Variants in MMP19 observed in about 807,000 individuals in gnomAD.
MMP19 encodes the protein matrix metallopeptidase 19, also known as matrix metalloproteinase-19.
A neutral mutation model predicts 46.6 loss-of-function variants in MMP19; 47 were observed. That is an observed-to-expected ratio of 1.01 (90% CI 0.80 to 1.29). The LOEUF (loss-of-function observed/expected upper bound fraction) is 1.29. Ranked by LOEUF, MMP19 falls within the 50% of genes most tolerant of loss-of-function variation. The pLI, the probability that MMP19 is intolerant of heterozygous loss-of-function variation, is 0.00. For missense variants in MMP19, 589 were observed against 643.5 expected (o/e 0.92, Z 0.92); for synonymous variants, 222 against 248.5 (o/e 0.89, Z 1.00).
intron 1 of MMP19, 103 bp downstream of exon 1, chr12:55,842,641 G>T: frequency 9.9e-7 from 1 of 1,007,828 alleles, no homozygotes; most frequent in Non-Finnish European, 1.5e-6. Flanking sequence ...GAGAGCAAGG[G>T]AAAGGCAGGC....
chr12:55,842,877 G>A lies in MMP19; in HGVS notation c.-47C>T, dbSNP rs1194280121. 6.7e-7 allele frequency: 1 copy of A among 1,488,168 alleles called. No homozygotes were observed. Among genetic ancestry groups the A allele is most frequent in the South Asian group, 1.2e-5 (1 of 83,246 alleles). The allele number at this position is 1,488,168 out of a possible 1,614,324, so 92.2% of individuals were successfully genotyped here. Reference sequence around the variant, plus strand: ...CAGAGGCTGTCCGTGCCTCTGACCTGAGATTTCTGGGAGCCTTGGGGGAGC... The same window carrying A: ...CAGAGGCTGTCCGTGCCTCTGACCTAAGATTTCTGGGAGCCTTGGGGGAGC... On this transcript the variant is annotated 5_prime_UTR_variant, in exon 1 of 9. Coordinates refer to ENST00000322569, the MANE Select transcript of MMP19 (RefSeq NM_002429.6).
chr12:55,838,442 A>T (rs1565696483), intron 6 of MMP19, 164 bp downstream of exon 6: 1 of 1,565,726 alleles, frequency 6.4e-7, no homozygotes, highest in Non-Finnish European at 8.7e-7. Flanking sequence ...TTGGCTCCGA[A>T]CTCTCCCTCC....
intron 7 of MMP19, 27 bp from the exon 8 acceptor site, chr12:55,837,709 T>A: frequency 1.2e-6 from 2 of 1,614,054 alleles, no homozygotes; most frequent in Non-Finnish European, 1.7e-6. Context: ...AAAGAACAAG[T>A]CACCTCTGTC....
rs1361978682 is a variant in MMP19, at chr12:55,837,116, C to G, written c.1447G>C (p.Gly483Arg). The part of the protein sequence containing the change: ...RPRTIDTTPS[G>R]GNTTPSGTGI... Reference sequence around the variant, plus strand: ...GTACCTGAGGGAGTGGTATTCCCACCTGATGGGGTAGTGTCTATAGTCCGG... The same window carrying G: ...GTACCTGAGGGAGTGGTATTCCCACGTGATGGGGTAGTGTCTATAGTCCGG... Residue 483 changes from glycine to arginine, a missense_variant, in exon 9 of 9, where the codon GGT (glycine) becomes CGT (arginine). Physicochemically the swap from Gly to Arg is moderately radical, Grantham distance 125 (BLOSUM62 -2). Coordinates refer to ENST00000322569, the MANE Select transcript of MMP19 (RefSeq NM_002429.6). 2 of 1,613,208 alleles carry G rather than the reference C, an allele frequency of 1.2e-6. No homozygotes were observed. Among genetic ancestry groups the G allele is most frequent in the Admixed American group, 1.7e-5 (1 of 59,922 alleles).
Position 55,838,817 on chromosome 12 carries a change from G to A in MMP19, c.767-83C>T, listed in dbSNP as rs959463989. The A allele has an allele frequency of 3.4e-6, 4 of 1,187,966 alleles. No individual in the cohort carries two copies. The African/African-American group carries it at 6.1e-5, about 18-fold the overall frequency. 73.6% of individuals were successfully genotyped at this position (1,187,966 alleles called of 1,614,324 possible). On this transcript the variant is annotated intron_variant, in intron 5 of 8. Transcript: ENST00000322569. ...CAGTCTCCTGTAAGTTTTGCTCAGA[G>A]TCCCCATACAGAGGGGAAAAGGGAA...
chr12:55,840,015 G>T, intron 4 of MMP19: 1 of 403,806 alleles, frequency 2.5e-6, no homozygotes, highest in Non-Finnish European at 4.4e-6. Context: ...TTGAACAGGG[G>T]AACTTAAGGG....
In MMP19 at chr12:55,837,867, T is replaced by C. The variant is rs775807413; in HGVS notation, c.1036A>G (p.Thr346Ala). 4.3e-6 allele frequency: 7 copies of C among 1,610,652 alleles called. No homozygotes were observed. Among genetic ancestry groups the C allele is most frequent in the Middle Eastern group, 1.7e-4 (1 of 6,048 alleles). The stretch of plus-strand genomic sequence containing the variant: ...CCCTTAAAGAAGTGAATCCATTGTG[T>C]TCGAGGCGAGTAGACAGCAGCATCC... ...NLDAAVYSPRTQWIHFFKGDK... is the reference protein window; with the variant it reads ...NLDAAVYSPRAQWIHFFKGDK... Residue 346 changes from threonine (T) to alanine (A), a missense_variant, in exon 7 of 9, where the codon ACA (threonine) becomes GCA (alanine). Coordinates refer to ENST00000322569, the MANE Select transcript of MMP19 (RefSeq NM_002429.6).
Position 55,837,248 on chromosome 12 carries a change from G to A in MMP19, c.1315C>T (p.Arg439Ter), listed in dbSNP as rs758525325. The change falls in exon 9 of 9, where the codon CGA becomes TGA. Residue 439 changes from arginine (R) to a stop codon, truncating the protein, a stop_gained. Coordinates refer to ENST00000322569, the MANE Select transcript of MMP19 (RefSeq NM_002429.6). LOFTEE classifies it low-confidence loss of function (END_TRUNC). ...PSAAMSWQDG[R>*]VYFFKGKVYW... ...ACTTTGCCCTTGAAGAAGTAGACTCGGCCATCTTGCCAACTCATAGCAGCC... is the reference window on the plus strand; with the variant it reads ...ACTTTGCCCTTGAAGAAGTAGACTCAGCCATCTTGCCAACTCATAGCAGCC... 5.3e-5 allele frequency: 85 copies of A among 1,614,046 alleles called. No individual in the cohort carries two copies. The highest frequency in any genetic ancestry group is 1.6e-4 in the Middle Eastern group (1 of 6,084).
rs1382336791 is a variant in MMP19 at position 55,839,621 on chromosome 12, A to G, written c.641T>C (p.Val214Ala). The part of the protein sequence containing the change: ...VNLRIIAAHE[V>A]GHALGLGHSR... ...GTGCCCAAGCCCCAGAGCATGGCCCACTTCATGGGCTGCAATGATGCGCAG... is the reference window on the plus strand; with the variant it reads ...GTGCCCAAGCCCCAGAGCATGGCCCGCTTCATGGGCTGCAATGATGCGCAG... The change falls in exon 5 of 9, where the codon GTG (valine) becomes GCG (alanine). Residue 214 changes from valine to alanine, a missense_variant. Physicochemically the swap from Val to Ala is moderately conservative, Grantham distance 64. Coordinates refer to ENST00000322569, the MANE Select transcript of MMP19 (RefSeq NM_002429.6). 4 of 1,614,216 alleles carry G rather than the reference A, an allele frequency of 2.5e-6. No individual in the cohort carries two copies. Among genetic ancestry groups the G allele is most frequent in the Admixed American group, 1.7e-5 (1 of 60,030 alleles).
At chr12:55,840,431 G>A (rs1468147696) in intron 4 of MMP19, among the ~76,000 whole-genome samples, 1 of 142,550 alleles carries the variant, frequency 7.0e-6, no homozygotes, top group East Asian at 2.1e-4. Flanking sequence ...AGAAGGAAGG[G>A]AGGGAGGGAA....
chr12:55,837,038 A>G lies in MMP19; in HGVS notation c.1525T>C (p.Ter509ArgextTer11). 1 of 1,557,360 alleles carries G rather than the reference A, an allele frequency of 6.4e-7. No homozygotes were observed. Among genetic ancestry groups the G allele is most frequent in the Non-Finnish European group, 8.7e-7 (1 of 1,148,472 alleles). Reference sequence around the variant, plus strand: ...AGATTGTGTCTGTGGGTGAGCAGTCAGTATTCAAACGTGGTTTCTGTGGCT... The same window carrying G: ...AGATTGTGTCTGTGGGTGAGCAGTCGGTATTCAAACGTGGTTTCTGTGGCT... ...LSATETTFEY[*>R] The change falls in exon 9 of 9, where the codon TGA (stop) becomes CGA (arginine). Residue 509 changes from the stop codon to arginine (R), a stop_lost. Transcript: ENST00000322569.
rs764234430 is a variant in MMP19, at chr12:55,837,870, G to A, written c.1033C>T (p.Arg345Ter). The A allele has an allele frequency of 1.7e-5, 27 of 1,610,834 alleles. No individual in the cohort carries two copies. The highest frequency in any genetic ancestry group is 2.0e-5 in the Non-Finnish European group (24 of 1,177,504). ...GNLDAAVYSP[R>*]TQWIHFFKGD... ...TTAAAGAAGTGAATCCATTGTGTTC[G>A]AGGCGAGTAGACAGCAGCATCCAGG... The change falls in exon 7 of 9, where the codon CGA (arginine) becomes TGA (stop). Residue 345 changes from arginine (R) to a stop codon, truncating the protein, a stop_gained. Transcript: ENST00000322569. LOFTEE classifies it high-confidence loss of function.
intron 2 of MMP19, chr12:55,841,561 T>TCCTTCCTTCC (rs1170078575): frequency 8.3e-6 from 2 of 242,130 alleles, no homozygotes; most frequent in Non-Finnish European, 1.6e-5. Flanking sequence ...CTTCCTTTCT[T>TCCTTCCTTCC]TTTCTTCTCT....
At position 55,842,406 on chromosome 12, in the gene MMP19, C is replaced by A; in HGVS notation, c.120G>T (p.Lys40Asn). Residue 40 changes from lysine (K) to asparagine (N), a missense_variant, in exon 2 of 9, where the codon AAG becomes AAT. Transcript: ENST00000322569. ...TGAAGTTATTAGATCCTTCTAGAGG[C>A]TTCTGTAGGTACCCATATTGTGACA... is the stretch of plus-strand genomic sequence containing the variant. ...DYLSQYGYLQKPLEGSNNFKP... is the reference protein window; with the variant it reads ...DYLSQYGYLQNPLEGSNNFKP... 6.2e-7 allele frequency: 1 copy of A among 1,613,810 alleles called. No individual in the cohort carries two copies.
chr12:55,837,143 G>A lies in MMP19; in HGVS notation c.1420C>T (p.Pro474Ser). 1 of 1,614,162 alleles carries A rather than the reference G, an allele frequency of 6.2e-7. No homozygotes were observed. The highest frequency in any genetic ancestry group is 8.5e-7 in the Non-Finnish European group (1 of 1,180,020). ...GATGGGGTAGTGTCTATAGTCCGGGGACGACAGTGCATCCAGTTGTGGGAA... is the reference window on the plus strand; with the variant it reads ...GATGGGGTAGTGTCTATAGTCCGGGAACGACAGTGCATCCAGTTGTGGGAA... ...NISHNWMHCR[P>S]RTIDTTPSGG... The change falls in exon 9 of 9, where the codon CCC becomes TCC. Residue 474 changes from proline to serine, a missense_variant. By Grantham distance (74) the Pro-to-Ser change is moderately conservative. Coordinates refer to ENST00000322569, the MANE Select transcript of MMP19 (RefSeq NM_002429.6).
chr12:55,839,449 C>G, intron 5 of MMP19, 47 bp downstream of exon 5: 2 of 1,554,984 alleles, frequency 1.3e-6, no homozygotes, highest in Non-Finnish European at 1.7e-6. Flanking sequence ...CAAGCCTTGA[C>G]GTGGGAGTCA....
rs373176410 is a variant in MMP19, at chr12:55,838,116, C to G, written c.896-109G>C. The G allele has an allele frequency of 2.9e-5, 30 of 1,021,926 alleles. 1 individual carries two copies. Among genetic ancestry groups the G allele is most frequent in the East Asian group, 2.8e-4 (11 of 39,206 alleles). The allele number at this position is 1,021,926 out of a possible 1,614,324, so 63.3% of individuals were successfully genotyped here. On this transcript the variant is annotated intron_variant, in intron 6 of 8. Coordinates refer to ENST00000322569, the MANE Select transcript of MMP19 (RefSeq NM_002429.6). ...TTTGCCCTCTCCCTGCAGGCTGATT[C>G]TTCAAAAATTCATTCAACTTTAATT...
At position 55,837,565 on chromosome 12, in the gene MMP19, A is replaced by G; in HGVS notation, c.1178T>C (p.Phe393Ser). The G allele has an allele frequency of 6.2e-7, 1 of 1,614,200 alleles. No homozygotes were observed. Among genetic ancestry groups the G allele is most frequent in the Non-Finnish European group, 8.5e-7 (1 of 1,180,042 alleles). ...ALYWPLNQKV[F>S]LFKGSGYWQW... ...CTTTGAACTTTATACCTTAAAGAGGAACACCTTTTGGTTGAGAGGCCAATA... is the reference window on the plus strand; with the variant it reads ...CTTTGAACTTTATACCTTAAAGAGGGACACCTTTTGGTTGAGAGGCCAATA... The change falls in exon 8 of 9, where the codon TTC becomes TCC. Residue 393 changes from phenylalanine to serine, a missense_variant. Physicochemically the swap from Phe to Ser is radical, Grantham distance 155 (BLOSUM62 -2). Coordinates refer to ENST00000322569, the MANE Select transcript of MMP19 (RefSeq NM_002429.6).
At chr12:55,838,398 G>T in intron 6 of MMP19, 2 of 1,124,406 alleles carry the variant, frequency 1.8e-6, no homozygotes, top group Non-Finnish European at 2.6e-6. Context: ...GAGCGTGGCA[G>T]CCTTGGTAAG....
Sources: allele counts gnomAD v4.1 joint callset (sites outside exome capture counted in the v4.1 genomes callset), GRCh38; gene constraint gnomAD v4.1.1; transcripts MANE v1.5; gene names NCBI Gene and HGNC (gene_info 2026-07-23, HGNC 2026-07-21).